KLB: variants seen among roughly 807,000 people sequenced by gnomAD.
The protein encoded by KLB is klotho beta.
A neutral mutation model predicts 88.4 loss-of-function variants in KLB; 44 were observed. The observed-to-expected ratio is 0.50, with a 90% CI of 0.39 to 0.64. The LOEUF (loss-of-function observed/expected upper bound fraction) is 0.64. Among genes scored for constraint, KLB ranks in the 30% least tolerant of loss-of-function variants. The pLI is 0.00. For synonymous variants in KLB, 548 were observed against 513.4 expected, an observed-to-expected ratio of 1.07 and a Z score of -0.91; for missense variants, 1,137 against 1,304.8, an observed-to-expected ratio of 0.87 and a Z score of 1.98.
At chr4:39,442,984 T>G (rs1179819689) in intron 3 of KLB, among the ~76,000 whole-genome samples, 1 of 152,186 alleles carries the variant, frequency 6.6e-6, no homozygotes, top group Non-Finnish European at 1.5e-5. Context: ...TGTCATGTAT[T>G]GTTAGCTTCC....
chr4:39,449,301 A>G lies in KLB; in HGVS notation c.*615A>G, dbSNP rs2109848656. ...GCGCCACTGCACTCCAGCCTAGGCG[A>G]CAACAGCAAGACTGTGTCCAAAAAA... On this transcript the variant is annotated 3_prime_UTR_variant, in exon 5 of 5. Coordinates refer to ENST00000257408, the MANE Select transcript of KLB (RefSeq NM_175737.4). 6.7e-6 allele frequency: 1 copy of G among 149,994 alleles called. No individual in the cohort carries two copies. The highest frequency in any genetic ancestry group is 2.1e-4 in the South Asian group (1 of 4,666). The allele number at this position is 149,994 out of a possible 1,614,324, so 9.3% of individuals were successfully genotyped here. A position where few individuals can be genotyped will look rare whatever the true frequency, so the allele number is the denominator to read the frequency against.
At chr4:39,443,976 G>A (rs28573932) in intron 3 of KLB, among the ~76,000 whole-genome samples, 1 of 151,906 alleles carries the variant, frequency 6.6e-6, no homozygotes. Context: ...GGCCAACATG[G>A]TGAAGCCCCG....
intron 4 of KLB, 144 bp downstream of exon 4, chr4:39,447,619 C>G: frequency 4.6e-6 from 3 of 653,688 alleles, no homozygotes. Context: ...GTCCTGAAAA[C>G]TGGCCTATGG....
chr4:39,413,941 C>T (rs939817574), intron 1 of KLB, among the ~76,000 whole-genome samples: 3 of 152,026 alleles, frequency 2.0e-5, no homozygotes, highest in African/African-American at 7.2e-5. Context: ...TCAGATAATT[C>T]TTTGCTGTGG....
Position 39,447,113 on chromosome 4 carries a change from G to C in KLB, c.2387G>C (p.Arg796Pro), listed in dbSNP as rs1402112187. The C allele has an allele frequency of 2.5e-6, 4 of 1,613,422 alleles. No homozygotes were observed. The highest frequency in any genetic ancestry group is 1.1e-5 in the South Asian group (1 of 91,074). The change falls in exon 4 of 5, where the codon CGG (arginine) becomes CCG (proline). Residue 796 changes from arginine (R) to proline (P), a missense_variant. By Grantham distance (103) the Arg-to-Pro change is moderately radical. Transcript: ENST00000257408. The stretch of plus-strand genomic sequence containing the variant: ...GAATACATTGCCTCCAAGCACCGAC[G>C]GGGGCTTTCCAGCTCGGCCCTGCCG... ...MREYIASKHR[R>P]GLSSSALPRL...
At chr4:39,433,721 G>A (rs1036647556) in intron 1 of KLB, among the ~76,000 whole-genome samples, 7 of 152,044 alleles carry the variant, frequency 4.6e-5, no homozygotes, top group African/African-American at 1.2e-4. Flanking sequence ...TTAGTCGAGC[G>A]TCGTGGTGTG....
Position 39,446,540 on chromosome 4 carries a change from C to G in KLB, c.1814C>G (p.Ser605Trp). 1 of 1,614,210 alleles carries G rather than the reference C, an allele frequency of 6.2e-7. No individual in the cohort carries two copies. The highest frequency in any genetic ancestry group is 8.5e-7 in the Non-Finnish European group (1 of 1,180,032). ...TACCGGTTTGCTCTGGATTGGGCCTCGGTCCTTCCCACTGGCAACCTGTCC... is the reference window on the plus strand; with the variant it reads ...TACCGGTTTGCTCTGGATTGGGCCTGGGTCCTTCCCACTGGCAACCTGTCC... ...THYRFALDWA[S>W]VLPTGNLSAV... The change falls in exon 4 of 5, where the codon TCG becomes TGG. Residue 605 changes from serine to tryptophan, a missense_variant. Ser to Trp is a radical substitution (Grantham distance 177). Coordinates refer to ENST00000257408, the MANE Select transcript of KLB (RefSeq NM_175737.4). The surrounding 1 kb of genome is among the most constrained non-coding windows in gnomAD (Gnocchi z 6.4).
intron 1 of KLB, among the ~76,000 whole-genome samples, chr4:39,419,804 C>A (rs944602979): frequency 2.9e-5 from 4 of 138,488 alleles, no homozygotes; most frequent in African/African-American, 2.8e-5. Context: ...ATTAGCTGGG[C>A]GTAGTGGTGG....
Position 39,431,201 on chromosome 4 carries a change from A to T in KLB, c.826-3009A>T, listed in dbSNP as rs533647099. Among the ~76,000 whole-genome samples, 37 of 148,058 alleles carry T rather than the reference A, an allele frequency of 2.5e-4. 1 individual carries two copies. The East Asian group carries it at 3.8e-3, about 15-fold the overall frequency. ...CACCTTGGCCTCCCAAAGTGTTGGG[A>T]TTACAGATGTGAGCCACCCACCCAA... On this transcript the variant is annotated intron_variant, in intron 1 of 4. Transcript: ENST00000257408.
At chr4:39,429,050 G>A (rs924279722) in intron 1 of KLB, among the ~76,000 whole-genome samples, 1 of 152,318 alleles carries the variant, frequency 6.6e-6, no homozygotes. Context: ...GAAAGCCTGG[G>A]TGGGAACACA....
intron 1 of KLB, among the ~76,000 whole-genome samples, chr4:39,416,371 T>C (rs1000372580): frequency 2.6e-5 from 4 of 152,282 alleles, no homozygotes; most frequent in Admixed American, 1.3e-4. Context: ...TATTTTACAT[T>C]TAAAAATAAA....
rs958258128 is a variant in KLB at position 39,446,883 on chromosome 4, C to A, written c.2157C>A (p.His719Gln). 1 of 1,608,466 alleles carries A rather than the reference C, an allele frequency of 6.2e-7. No homozygotes were observed. Among genetic ancestry groups the A allele is most frequent in the Non-Finnish European group, 8.5e-7 (1 of 1,179,646 alleles). Residue 719 changes from histidine (H) to glutamine (Q), a missense_variant, in exon 4 of 5, where the codon CAC becomes CAA. Physicochemically the swap from His to Gln is conservative, Grantham distance 24. Coordinates refer to ENST00000257408, the MANE Select transcript of KLB (RefSeq NM_175737.4). The surrounding 1 kb of genome is among the most constrained non-coding windows in gnomAD (Gnocchi z 6.4). ...CGGCGCACAACCTGCTGGTGGCCCA[C>A]GCCCTGGCCTGGCGCCTCTACGACC... The part of the protein sequence containing the change: ...YGAAHNLLVA[H>Q]ALAWRLYDRQ...
At chr4:39,422,301 A>G (rs1224835770) in intron 1 of KLB, among the ~76,000 whole-genome samples, 4 of 152,242 alleles carry the variant, frequency 2.6e-5, no homozygotes, top group East Asian at 3.9e-4. Flanking sequence ...TGTGGGAGAG[A>G]GGGAGGTTCA....
rs1296546694 is a variant in KLB, at chr4:39,448,443, C to T, written c.2892C>T (p.Ser964=). The T allele has an allele frequency of 2.5e-6, 4 of 1,614,128 alleles. No individual in the cohort carries two copies. The East Asian group carries it at 6.7e-5, about 27-fold the overall frequency. ...AATTTTACAACAAAGTGATCAGCAG[C>T]AGGGGCTTCCCTTTTGAGAACAGTA... The part of the protein sequence containing the change: ...SIQFYNKVIS[S]RGFPFENSSS... Residue 964 remains serine, a synonymous_variant, in exon 5 of 5, where the codon AGC becomes AGT. Transcript: ENST00000257408.
At chr4:39,411,064 T>C (rs1742829922) in intron 1 of KLB, among the ~76,000 whole-genome samples, 1 of 152,200 alleles carries the variant, frequency 6.6e-6, no homozygotes, top group South Asian at 2.1e-4. Flanking sequence ...TGTTTTGTTT[T>C]GTTTTGAGAC....
At chr4:39,414,049 T>C (rs564134425) in intron 1 of KLB, among the ~76,000 whole-genome samples, 98 of 152,236 alleles carry the variant, frequency 6.4e-4, no homozygotes, top group African/African-American at 2.3e-3. Context: ...CAATCAAAAA[T>C]GTCTCCAGAC....
chr4:39,427,344 G>T (rs779596704), intron 1 of KLB, among the ~76,000 whole-genome samples: 3 of 151,986 alleles, frequency 2.0e-5, no homozygotes, highest in African/African-American at 7.3e-5. Context: ...TTAGCTGGGC[G>T]TGGTGGCAGG....
At chr4:39,410,217 C>G (rs977669030) in intron 1 of KLB, among the ~76,000 whole-genome samples, 5 of 152,072 alleles carry the variant, frequency 3.3e-5, no homozygotes, top group Admixed American at 6.6e-5. Context: ...TTAAAATTGG[C>G]TGATAAGAAT....
chr4:39,443,899 G>T (rs1022026827), intron 3 of KLB, among the ~76,000 whole-genome samples: 1 of 151,848 alleles, frequency 6.6e-6, no homozygotes, highest in African/African-American at 2.4e-5. Flanking sequence ...TGGCTCACCT[G>T]TAATCCCAGC....
Sources: gnomAD v4.1 joint callset for allele counts (sites outside exome capture counted in the v4.1 genomes callset) on GRCh38, gnomAD v4.1.1 for gene constraint, Gnocchi (gnomAD v3.1) non-coding constraint, MANE v1.5 for transcripts, NCBI Gene and HGNC (gene_info 2026-07-23, HGNC 2026-07-21) for gene names.